Variants in FMN2 observed in about 807,000 individuals in gnomAD.
FMN2 encodes formin-2.
A neutral mutation model predicts 142.3 loss-of-function variants in FMN2; 51 were observed. That is an observed-to-expected ratio of 0.36 (90% confidence interval 0.29 to 0.45). FMN2 has a LOEUF of 0.45. Among genes scored for constraint, FMN2 ranks in the 20% least tolerant of loss-of-function variants. FMN2 has a pLI of 1.00. For synonymous variants in FMN2, 882 were observed against 869.8 expected, an observed-to-expected ratio of 1.01 and a Z score of -0.25; for missense variants, 1,936 against 2,122.8, an observed-to-expected ratio of 0.91 and a Z score of 1.73.
intron 6 of FMN2, among the ~76,000 whole-genome samples, chr1:240,248,332 G>A (rs1668149829): frequency 6.8e-6 from 1 of 147,886 alleles, no homozygotes; most frequent in East Asian, 2.0e-4. Flanking sequence ...TTTATGCCTG[G>A]ATAATATTCT....
At chr1:240,172,398 A>G (rs1428225853) in intron 2 of FMN2, among the ~76,000 whole-genome samples, 2 of 152,224 alleles carry the variant, frequency 1.3e-5, no homozygotes, top group Admixed American at 6.5e-5. Flanking sequence ...TAGGTGAGAT[A>G]ATGATTTTCA....
chr1:240,262,095 A>G (rs1057394311), intron 7 of FMN2, among the ~76,000 whole-genome samples: 3 of 151,600 alleles, frequency 2.0e-5, no homozygotes, highest in Non-Finnish European at 4.4e-5. Context: ...AATTATTATT[A>G]TACTTTAAGT....
chr1:240,294,808 T>C lies in FMN2; in HGVS notation c.4154-14T>C, dbSNP rs780268383. On this transcript the variant is annotated splice_polypyrimidine_tract_variant and intron_variant, in intron 7 of 17. Transcript: ENST00000319653. ...TGGCTTATGGCAATTTATATTCTTC[T>C]TTTTTTTCCACAGCTGTTGTGAACT... is the stretch of plus-strand genomic sequence containing the variant. 1.2e-6 allele frequency: 2 copies of C among 1,611,122 alleles called. No individual in the cohort carries two copies. Among genetic ancestry groups the C allele is most frequent in the East Asian group, 2.2e-5 (1 of 44,788 alleles).
chr1:240,412,022 G>T (rs527524259), intron 15 of FMN2, among the ~76,000 whole-genome samples: 4 of 152,248 alleles, frequency 2.6e-5, no homozygotes, highest in African/African-American at 9.6e-5. Context: ...TTAGGAGATG[G>T]TGTCCACAGA....
chr1:240,370,449 T>C (rs1180863056), intron 14 of FMN2, among the ~76,000 whole-genome samples: 3 of 152,228 alleles, frequency 2.0e-5, no homozygotes, highest in South Asian at 2.1e-4. Context: ...ACCTTTTTTC[T>C]AAAACATTGT....
chr1:240,362,758 T>G (rs181768187), intron 14 of FMN2, among the ~76,000 whole-genome samples: 1 of 152,196 alleles, frequency 6.6e-6, no homozygotes, highest in Admixed American at 6.5e-5. Context: ...AGCTCAACTG[T>G]TTTTTTGGAT....
chr1:240,459,414 T>C (rs1676360565), intron 16 of FMN2: 1 of 152,218 alleles, frequency 6.6e-6, no homozygotes, highest in Non-Finnish European at 1.5e-5. Flanking sequence ...CTGGACACTC[T>C]TGTGATTGTG....
chr1:240,361,694 C>T (rs751681245), intron 14 of FMN2, among the ~76,000 whole-genome samples: 12 of 152,256 alleles, frequency 7.9e-5, no homozygotes, highest in Admixed American at 1.3e-4. Context: ...TATGTAAACA[C>T]GCAAGTGGGC....
intron 2 of FMN2, chr1:240,145,065 C>T (rs1663381960): frequency 6.3e-6 from 9 of 1,418,798 alleles, no homozygotes; most frequent in Non-Finnish European, 9.0e-6. Context: ...TTCAGTTTGC[C>T]ATAGTGTGGA....
chr1:240,245,708 C>A, intron 6 of FMN2: 1 of 436,608 alleles, frequency 2.3e-6, no homozygotes, highest in South Asian at 1.7e-5. Context: ...TTAATTTTAT[C>A]TTTCTCATGG....
At chr1:240,367,446 T>C (rs1436470581) in intron 14 of FMN2, among the ~76,000 whole-genome samples, 2 of 152,174 alleles carry the variant, frequency 1.3e-5, no homozygotes, top group African/African-American at 2.4e-5. Context: ...ATCAACCTTT[T>C]TCTTGATGGT....
chr1:240,392,162 C>T (rs1291364653), intron 14 of FMN2, among the ~76,000 whole-genome samples: 1 of 151,376 alleles, frequency 6.6e-6, no homozygotes, highest in Non-Finnish European at 1.5e-5. Flanking sequence ...GAATTATTTC[C>T]ACTAATTGTT....
At chr1:240,134,208 G>C (rs1413243387) in intron 2 of FMN2, among the ~76,000 whole-genome samples, 1 of 152,184 alleles carries the variant, frequency 6.6e-6, no homozygotes, top group Non-Finnish European at 1.5e-5. Flanking sequence ...AATATGCCTT[G>C]ATTTTGTAAA....
At chr1:240,311,460 A>G (rs1269780435) in intron 8 of FMN2, among the ~76,000 whole-genome samples, 1 of 152,114 alleles carries the variant, frequency 6.6e-6, no homozygotes, top group Non-Finnish European at 1.5e-5. Context: ...CTCAAATTTC[A>G]TTGTTTTATT....
At chr1:240,450,781 A>G (rs16840062) in intron 16 of FMN2, among the ~76,000 whole-genome samples, 26,302 of 152,218 alleles carry the variant, frequency 0.17, 2,467 homozygotes, top group African/African-American at 0.22. Context: ...GCTGAGCTAT[A>G]TAAAGTTCTG....
intron 3 of FMN2, 142 bp downstream of exon 3, chr1:240,178,210 G>A: frequency 1.1e-6 from 1 of 944,132 alleles, no homozygotes; most frequent in Non-Finnish European, 1.4e-6. Flanking sequence ...TTTTACTTTG[G>A]GGTCTTTTCT....
intron 7 of FMN2, among the ~76,000 whole-genome samples, chr1:240,294,250 A>C (rs769447948): frequency 1.8e-4 from 28 of 152,184 alleles, no homozygotes; most frequent in Non-Finnish European, 5.9e-5. Context: ...TCCTTGTATA[A>C]CCATGGGTAG....
chr1:240,238,166 T>G (rs1016717763), intron 6 of FMN2, among the ~76,000 whole-genome samples: 1 of 152,220 alleles, frequency 6.6e-6, no homozygotes, highest in African/African-American at 2.4e-5. Flanking sequence ...AATACCTTTA[T>G]GCAGCTGACT....
chr1:240,380,625 A>G lies in FMN2; in HGVS notation c.4859-11886A>G, dbSNP rs1673191764. Among the ~76,000 whole-genome samples, 2 of 152,160 alleles carry G rather than the reference A, an allele frequency of 1.3e-5. 1 individual carries two copies. The highest frequency in any genetic ancestry group is 6.8e-3 in the Middle Eastern group (2 of 292). On this transcript the variant is annotated intron_variant, in intron 14 of 17. Transcript: ENST00000319653. ...AACGTTTATAGCATTAAATGCCTAC[A>G]TAAAAAACACAGAATGATCTCAAAT...
Sources: allele counts gnomAD v4.1 joint callset (sites outside exome capture counted in the v4.1 genomes callset), GRCh38; gene constraint gnomAD v4.1.1; transcripts MANE v1.5; gene names NCBI Gene and HGNC (gene_info 2026-07-23, HGNC 2026-07-21).